The following NRXN1 variants were observed in gnomAD, a reference collection of about 807,000 sequenced individuals.
NRXN1 encodes the protein neurexin 1.
NRXN1 carries 39 observed loss-of-function variants against 150.9 expected under a neutral mutation model. The ratio of observed to expected loss-of-function variants is 0.26; its 90% CI spans 0.20 to 0.34. The LOEUF (loss-of-function observed/expected upper bound fraction) is 0.34, where lower values mean the gene tolerates loss of function less well. NRXN1 is among the 10% of genes least tolerant of loss of function. The pLI, the probability that NRXN1 is intolerant of heterozygous loss-of-function variation, is 1.00. For missense variants in NRXN1, 1,815 were observed against 1,949.9 expected, an observed-to-expected ratio of 0.93 and a Z score of 1.30; for synonymous variants, 924 against 757.0, an observed-to-expected ratio of 1.22 and a Z score of -3.62.
At chr2:50,458,501 G>C (rs1183001441) in intron 17 of NRXN1, among the ~76,000 whole-genome samples, 1 of 151,990 alleles carries the variant, frequency 6.6e-6, no homozygotes, top group Non-Finnish European at 1.5e-5. Context: ...CAATTACCCA[G>C]ATTTGATCAT....
At chr2:50,475,660 G>A (rs1380293328) in intron 15 of NRXN1, among the ~76,000 whole-genome samples, 1 of 151,944 alleles carries the variant, frequency 6.6e-6, no homozygotes, top group Admixed American at 6.6e-5. Flanking sequence ...ATAAATAGGG[G>A]ACTCATTCTC....
At chr2:50,237,917 G>A (rs2065623283) in intron 17 of NRXN1, among the ~76,000 whole-genome samples, 1 of 151,922 alleles carries the variant, frequency 6.6e-6, no homozygotes, top group South Asian at 2.1e-4. Context: ...ATGATAGTGA[G>A]TTCTAACAAG....
chr2:49,939,357 T>C (rs138877935), intron 22 of NRXN1, among the ~76,000 whole-genome samples: 1,684 of 152,298 alleles, frequency 0.011, 42 homozygotes, highest in African/African-American at 0.038. Context: ...GCCTGTAACA[T>C]TGTTACCAAT....
intron 5 of NRXN1, among the ~76,000 whole-genome samples, chr2:50,896,540 G>A (rs187062604): frequency 1.3e-5 from 2 of 152,254 alleles, no homozygotes; most frequent in East Asian, 3.9e-4. Context: ...GAAGGTTGAA[G>A]TATCTAATAG....
In NRXN1 at chr2:50,279,928, T is replaced by G. The variant is rs2071180271; in HGVS notation, c.3365-42958A>C. 2.0e-5 allele frequency among the ~76,000 whole-genome samples: 3 copies of G among 152,220 alleles called. No individual in the cohort carries two copies. The South Asian group carries it at 6.2e-4, about 32-fold the overall frequency. On this transcript the variant is annotated intron_variant, in intron 17 of 22. Coordinates refer to ENST00000401669, the MANE Select transcript of NRXN1 (RefSeq NM_001330078.2). ...TACTTGAATTTTAAATGTGAATTTG[T>G]CTTGAAATTGTAGTTCAGGTTTCCC...
intron 18 of NRXN1, among the ~76,000 whole-genome samples, chr2:50,124,838 T>C (rs543323153): frequency 1.3e-5 from 2 of 152,302 alleles, no homozygotes; most frequent in East Asian, 3.9e-4. Flanking sequence ...ATCTTTAGTC[T>C]TAAAATGGTC....
chr2:50,660,420 C>T (rs1687125011), intron 5 of NRXN1, among the ~76,000 whole-genome samples: 1 of 152,000 alleles, frequency 6.6e-6, no homozygotes. Flanking sequence ...TATCTCCACA[C>T]TGTATATGAA....
intron 19 of NRXN1, among the ~76,000 whole-genome samples, chr2:50,086,522 T>C (rs1698792876): frequency 6.6e-6 from 1 of 152,150 alleles, no homozygotes; most frequent in Non-Finnish European, 1.5e-5. Flanking sequence ...AAGGATCTCT[T>C]TATCTTACCA....
intron 21 of NRXN1, among the ~76,000 whole-genome samples, chr2:50,045,568 G>A (rs1691679141): frequency 1.3e-5 from 2 of 152,078 alleles, no homozygotes; most frequent in Non-Finnish European, 1.5e-5. Flanking sequence ...ATATGTAAGA[G>A]ATGAATAAAT....
At chr2:50,419,274 T>A (rs2083784888) in intron 17 of NRXN1, among the ~76,000 whole-genome samples, 1 of 152,102 alleles carries the variant, frequency 6.6e-6, no homozygotes, top group South Asian at 2.1e-4. Context: ...AATCATATCT[T>A]TCAGAAGACA....
chr2:50,790,524 G>C (rs1316086262), intron 5 of NRXN1, among the ~76,000 whole-genome samples: 1 of 152,134 alleles, frequency 6.6e-6, no homozygotes, highest in Non-Finnish European at 1.5e-5. Flanking sequence ...AGGAGGCTGA[G>C]GCAGGAGAAT....
intron 18 of NRXN1, among the ~76,000 whole-genome samples, chr2:50,192,881 T>C (rs1263822219): frequency 6.6e-6 from 1 of 152,106 alleles, no homozygotes; most frequent in Non-Finnish European, 1.5e-5. Context: ...GGATTAGAGG[T>C]GCTGGGATTA....
At chr2:50,272,124 G>A (rs527562934) in intron 17 of NRXN1, among the ~76,000 whole-genome samples, 102 of 152,326 alleles carry the variant, frequency 6.7e-4, no homozygotes, top group Non-Finnish European at 1.1e-3. Flanking sequence ...CTGACTCAGA[G>A]AACACACAGG....
In NRXN1 at chr2:50,076,685, T is replaced by C. The variant is rs113363007; in HGVS notation, c.3718+14638A>G. Among the ~76,000 whole-genome samples, 228 of 152,348 alleles carry C rather than the reference T, an allele frequency of 1.5e-3. 2 individuals carry two copies. Among genetic ancestry groups the C allele is most frequent in the African/African-American group, 3.8e-3 (158 of 41,592 alleles). On this transcript the variant is annotated intron_variant, in intron 19 of 22. Transcript: ENST00000401669. ...GCATATGTCTGGTTTGATCATTTGATGTGTGGTATATATTCCTACAGCAAT... is the reference window on the plus strand; with the variant it reads ...GCATATGTCTGGTTTGATCATTTGACGTGTGGTATATATTCCTACAGCAAT...
chr2:50,507,860 G>A (rs1018168383), intron 12 of NRXN1, among the ~76,000 whole-genome samples: 2 of 151,902 alleles, frequency 1.3e-5, no homozygotes, highest in Admixed American at 6.6e-5. Flanking sequence ...TGAGTTTCAT[G>A]TCTTTCAACG....
chr2:50,443,681 G>C (rs1195886225), intron 17 of NRXN1, among the ~76,000 whole-genome samples: 2 of 152,162 alleles, frequency 1.3e-5, no homozygotes, highest in East Asian at 1.9e-4. Context: ...AGAATGACCA[G>C]TGAATGATCC....
intron 2 of NRXN1, among the ~76,000 whole-genome samples, chr2:50,934,496 T>A (rs1348214804): frequency 6.6e-6 from 1 of 152,124 alleles, no homozygotes; most frequent in Non-Finnish European, 1.5e-5. Flanking sequence ...TATTTCTAAG[T>A]AAAATTAAAA....
intron 17 of NRXN1, among the ~76,000 whole-genome samples, chr2:50,251,420 C>T (rs1187898015): frequency 3.3e-5 from 5 of 152,140 alleles, no homozygotes; most frequent in Admixed American, 6.5e-5. Context: ...TTTCTTTATC[C>T]GGTCTATCAT....
intron 8 of NRXN1, among the ~76,000 whole-genome samples, chr2:50,559,779 G>T (rs1172324191): frequency 2.0e-5 from 3 of 151,982 alleles, no homozygotes; most frequent in Admixed American, 1.3e-4. Flanking sequence ...GTATGTCAGA[G>T]ACATAACAAA....
Sources: allele counts gnomAD v4.1 joint callset (sites outside exome capture counted in the v4.1 genomes callset), GRCh38; gene constraint gnomAD v4.1.1; transcripts MANE v1.5; gene names NCBI Gene and HGNC (gene_info 2026-07-23, HGNC 2026-07-21).